Variants in CD96 observed in about 807,000 individuals in gnomAD.
The protein encoded by CD96 is T-cell surface protein tactile.
Under a neutral mutation model 71.3 loss-of-function variants are expected in CD96, and 70 were observed. The ratio of observed to expected loss-of-function variants is 0.98; its 90% CI spans 0.81 to 1.20. The LOEUF (loss-of-function observed/expected upper bound fraction) is 1.20, where lower values mean the gene tolerates loss of function less well. Among genes scored for constraint, CD96 ranks in the 50% most tolerant of loss-of-function variants. The probability of loss-of-function intolerance (pLI) is 0.00; values close to 1 mark genes in which losing one functional copy is unlikely to be tolerated. For synonymous variants in CD96, 248 were observed against 233.0 expected (o/e 1.06, Z -0.59); for missense variants, 742 against 677.5 (o/e 1.10, Z -1.06).
At chr3:111,640,904 G>A (rs1201186067) in intron 12 of CD96, among the ~76,000 whole-genome samples, 2 of 152,100 alleles carry the variant, frequency 1.3e-5, no homozygotes, top group Non-Finnish European at 2.9e-5. Flanking sequence ...CATATATGAA[G>A]GAAAGATACA....
At chr3:111,662,727 A>G (rs1438290517) in intron 14 of CD96, among the ~76,000 whole-genome samples, 1 of 152,128 alleles carries the variant, frequency 6.6e-6, no homozygotes, top group Non-Finnish European at 1.5e-5. Context: ...CCACATCTCC[A>G]TCTGAGACAA....
At chr3:111,589,615 A>G (rs1164812344) in intron 5 of CD96, among the ~76,000 whole-genome samples, 1 of 152,158 alleles carries the variant, frequency 6.6e-6, no homozygotes, top group Admixed American at 6.5e-5. Context: ...TTAACTCTTC[A>G]AAGTCCTTTC....
downstream of CD96, chr3:111,652,406 T>C (rs1940122786): frequency 6.6e-6 from 1 of 152,014 alleles, no homozygotes; most frequent in Non-Finnish European, 1.5e-5. Context: ...TTTACTATAA[T>C]ATATGAATAC....
chr3:111,611,155 C>T (rs948141241), intron 8 of CD96, among the ~76,000 whole-genome samples: 1 of 152,136 alleles, frequency 6.6e-6, no homozygotes, highest in African/African-American at 2.4e-5. Context: ...TTTCTAAGGA[C>T]TTAGCTGGTC....
At chr3:111,547,783 G>T (rs1162225805) in intron 2 of CD96, among the ~76,000 whole-genome samples, 3 of 152,106 alleles carry the variant, frequency 2.0e-5, no homozygotes, top group Admixed American at 6.6e-5. Flanking sequence ...AAAAGCAATG[G>T]CCTCAGTGTT....
chr3:111,629,421 G>A (rs1405281304), intron 10 of CD96, among the ~76,000 whole-genome samples: 1 of 152,072 alleles, frequency 6.6e-6, no homozygotes, highest in African/African-American at 2.4e-5. Context: ...AGACAAAGAA[G>A]AGCATTACAT....
chr3:111,614,911 G>A (rs750033540), intron 8 of CD96, among the ~76,000 whole-genome samples: 5 of 152,186 alleles, frequency 3.3e-5, no homozygotes, highest in Admixed American at 6.5e-5. Context: ...TTCTCCATGA[G>A]GGAGGGCCTG....
rs1345275657 is a variant in CD96, at chr3:111,582,055, G to A, written c.751+2821G>A. ...TCCCACATGAAGGGCAAGAAAGCTG[G>A]GGTATTCATCTACCATCTCTCCATC... is the stretch of plus-strand genomic sequence containing the variant. On this transcript the variant is annotated intron_variant, in intron 4 of 13. Transcript: ENST00000352690. 2.6e-5 allele frequency among the ~76,000 whole-genome samples: 4 copies of A among 152,264 alleles called. No individual in the cohort carries two copies. In the South Asian group the frequency reaches 6.2e-4, roughly 24 times the overall value.
intron 10 of CD96, among the ~76,000 whole-genome samples, chr3:111,627,614 G>A (rs748178675): frequency 2.0e-4 from 30 of 152,324 alleles, no homozygotes; most frequent in Non-Finnish European, 3.2e-4. Context: ...GGGTGCTGAA[G>A]AGATCTCCAA....
At chr3:111,644,375 A>G (rs1428750112) in intron 12 of CD96, among the ~76,000 whole-genome samples, 2 of 152,182 alleles carry the variant, frequency 1.3e-5, no homozygotes, top group Non-Finnish European at 2.9e-5. Flanking sequence ...ATAACATTGG[A>G]AAAATTCTTC....
At chr3:111,598,332 C>T in intron 6 of CD96, 122 bp downstream of exon 6, 1 of 698,686 alleles carries the variant, frequency 1.4e-6, no homozygotes, top group Admixed American at 2.0e-5. Context: ...CCAAGAAAAA[C>T]ATCATTCTGC....
At chr3:111,593,409 A>T (rs748504170) in intron 5 of CD96, 57 of 1,105,058 alleles carry the variant, frequency 5.2e-5, no homozygotes, top group Non-Finnish European at 6.8e-5. Context: ...GCTCAGATTA[A>T]CTCATACTGT....
At chr3:111,545,534 T>A (rs1376676766) in intron 2 of CD96, 132 bp downstream of exon 2, 4 of 713,924 alleles carry the variant, frequency 5.6e-6, no homozygotes, top group Admixed American at 4.0e-5. Flanking sequence ...TACTGTCTGA[T>A]AAGAGAGACA....
Position 111,652,304 on chromosome 3 carries a change from G to GTTGGT in CD96, c.*2501_*2502insGTTTG, listed in dbSNP as rs1940119535. 6.6e-6 allele frequency: 1 copy of GTTGGT among 152,130 alleles called. No individual in the cohort carries two copies. Among genetic ancestry groups the GTTGGT allele is most frequent in the South Asian group, 2.1e-4 (1 of 4,832 alleles). The allele number at this position is 152,130 out of a possible 1,614,324, so 9.4% of individuals were successfully genotyped here. On this transcript the variant is annotated 3_prime_UTR_variant, in exon 14 of 14. Coordinates refer to ENST00000352690, the MANE Select transcript of CD96 (RefSeq NM_005816.5). ...AAATGCTAGCTTCATATGTATGGCT[G>GTTGGT]TTGCTTTGCTTCATGTGTATGGCTA...
intron 8 of CD96, among the ~76,000 whole-genome samples, chr3:111,616,782 G>A (rs1938260631): frequency 6.6e-6 from 1 of 152,156 alleles, no homozygotes; most frequent in African/African-American, 2.4e-5. Context: ...AGCCCGTAGA[G>A]GCTGAGAACA....
intron 8 of CD96, among the ~76,000 whole-genome samples, chr3:111,614,094 C>T (rs780575641): frequency 1.3e-4 from 20 of 152,128 alleles, no homozygotes; most frequent in Non-Finnish European, 1.9e-4. Flanking sequence ...AAGAACAGAC[C>T]TGTGTCAATA....
At position 111,545,095 on chromosome 3, in the gene CD96, T is replaced by A. The variant is rs775873228; in HGVS notation, c.111T>A (p.Leu37=). 6.2e-7 allele frequency: 1 copy of A among 1,614,200 alleles called. No individual in the cohort carries two copies. The highest frequency in any genetic ancestry group is 1.1e-5 in the South Asian group (1 of 91,084). ...VNTEENVYAT[L]GSDVNLTCQT... ...CAGAAGAAAATGTTTATGCTACACT[T>A]GGCTCTGATGTCAACCTGACCTGCC... is the stretch of plus-strand genomic sequence containing the variant. Residue 37 remains leucine (L), a synonymous_variant, in exon 2 of 14, where the codon CTT becomes CTA. Coordinates refer to ENST00000352690, the MANE Select transcript of CD96 (RefSeq NM_005816.5).
intron 10 of CD96, among the ~76,000 whole-genome samples, chr3:111,626,757 A>G (rs1394143846): frequency 6.6e-6 from 1 of 152,228 alleles, no homozygotes; most frequent in Non-Finnish European, 1.5e-5. Flanking sequence ...ATGAAAAACA[A>G]GTGAATGGCA....
intron 10 of CD96, chr3:111,634,050 A>G (rs1378706011): frequency 6.5e-6 from 1 of 152,900 alleles, no homozygotes; most frequent in African/African-American, 2.4e-5. Flanking sequence ...GGTTTTATTA[A>G]AGGAAGATGC....
Sources: allele counts gnomAD v4.1 joint callset (sites outside exome capture counted in the v4.1 genomes callset), GRCh38; gene constraint gnomAD v4.1.1; transcripts MANE v1.5; gene names NCBI Gene and HGNC (gene_info 2026-07-23, HGNC 2026-07-21).